The following BCL2A1 variants were observed in gnomAD, a reference collection of about 807,000 sequenced individuals.
BCL2A1 encodes bcl-2-related protein A1.
Under a neutral mutation model 14.4 loss-of-function variants are expected in BCL2A1, and 10 were observed. The ratio of observed to expected loss-of-function variants is 0.69; its 90% CI spans 0.43 to 1.18. The LOEUF is 1.18. BCL2A1 is among the 50% of genes most tolerant of loss of function. BCL2A1 has a pLI of 0.00. For missense variants in BCL2A1, 158 were observed against 205.0 expected (o/e 0.77, Z 1.40); for synonymous variants, 71 against 76.5 (o/e 0.93, Z 0.38).
intron 1 of BCL2A1, among the ~76,000 whole-genome samples, chr15:79,966,827 C>A (rs1289424122): frequency 6.7e-6 from 1 of 148,538 alleles, no homozygotes; most frequent in African/African-American, 2.6e-5. Flanking sequence ...AGCAGGAAGG[C>A]AGGAAGGCAG....
intron 1 of BCL2A1, among the ~76,000 whole-genome samples, chr15:79,962,424 T>G (rs1333020426): frequency 1.3e-5 from 2 of 152,164 alleles, no homozygotes; most frequent in Non-Finnish European, 2.9e-5. Flanking sequence ...TTCTTCCTCT[T>G]TCCCTCCTGC....
chr15:79,964,155 G>A (rs1348965897), intron 1 of BCL2A1, among the ~76,000 whole-genome samples: 4 of 152,102 alleles, frequency 2.6e-5, no homozygotes, highest in Admixed American at 2.6e-4. Flanking sequence ...TATCCTATCA[G>A]TAATGTAGTA....
At chr15:79,965,369 C>T (rs1007267878) in intron 1 of BCL2A1, among the ~76,000 whole-genome samples, 47 of 152,110 alleles carry the variant, frequency 3.1e-4, no homozygotes, top group African/African-American at 9.7e-4. Context: ...CCTCGTGATC[C>T]GCCCGCCTCG....
intron 1 of BCL2A1, among the ~76,000 whole-genome samples, chr15:79,969,221 T>C (rs1027338611): frequency 6.6e-6 from 1 of 152,166 alleles, no homozygotes; most frequent in East Asian, 1.9e-4. Context: ...CTACTGTTAG[T>C]CAGCTGGGGT....
chr15:79,964,482 C>A (rs960199575), intron 1 of BCL2A1, among the ~76,000 whole-genome samples: 1 of 152,084 alleles, frequency 6.6e-6, no homozygotes, highest in African/African-American at 2.4e-5. Context: ...AACAAACAAA[C>A]AAACAAAATA....
At chr15:79,967,750 T>C (rs1426810133) in intron 1 of BCL2A1, 5 of 1,111,836 alleles carry the variant, frequency 4.5e-6, no homozygotes, top group Non-Finnish European at 6.8e-6. Flanking sequence ...TCAACATCAC[T>C]ATGAAAAGAT....
chr15:79,968,630 C>A (rs982421864), intron 1 of BCL2A1, among the ~76,000 whole-genome samples: 1 of 152,220 alleles, frequency 6.6e-6, no homozygotes, highest in African/African-American at 2.4e-5. Context: ...TAAAAGATAT[C>A]TGCCACATAC....
In BCL2A1 at chr15:79,960,934, A is replaced by G; in HGVS notation, c.*133T>C. On this transcript the variant is annotated 3_prime_UTR_variant, in exon 2 of 2. Transcript: ENST00000267953. ...AATTTATTCATTACATGGGGACAAA[A>G]TTTCCATAACTCTGGAAGGTCAAGT... 1 of 1,420,110 alleles carries G rather than the reference A, an allele frequency of 7.0e-7. No homozygotes were observed. The highest frequency in any genetic ancestry group is 9.7e-7 in the Non-Finnish European group (1 of 1,032,686). 88.0% of individuals were successfully genotyped at this position (1,420,110 alleles called of 1,614,324 possible).
chr15:79,962,695 G>A (rs930334710), intron 1 of BCL2A1, among the ~76,000 whole-genome samples: 9 of 151,174 alleles, frequency 6.0e-5, no homozygotes, highest in South Asian at 2.1e-4. Context: ...CTACAGACGC[G>A]CACCACCATG....
intron 1 of BCL2A1, among the ~76,000 whole-genome samples, chr15:79,966,242 CAT>C (rs911287858): frequency 3.9e-5 from 6 of 152,154 alleles, no homozygotes; most frequent in African/African-American, 1.4e-4. Context: ...AATAAATTAT[CAT>C]ATGTCATGTC....
Position 79,971,124 on chromosome 15 carries a change from T to G in BCL2A1, c.-5A>C. 1.9e-6 allele frequency: 3 copies of G among 1,610,702 alleles called. No homozygotes were observed. Among genetic ancestry groups the G allele is most frequent in the South Asian group, 1.1e-5 (1 of 90,946 alleles). On this transcript the variant is annotated 5_prime_UTR_variant, in exon 1 of 2. Transcript: ENST00000267953. Reference sequence around the variant, plus strand: ...TCCAAATTCACAGTCTGTCATCTTCTGCCTGGTGGAGAGCAAAGTCTTGAG... The same window carrying G: ...TCCAAATTCACAGTCTGTCATCTTCGGCCTGGTGGAGAGCAAAGTCTTGAG...
At chr15:79,963,189 CATGT>C (rs2035507373) in intron 1 of BCL2A1, among the ~76,000 whole-genome samples, 1 of 150,812 alleles carries the variant, frequency 6.6e-6, no homozygotes, top group Admixed American at 6.6e-5. Context: ...CGGGTTTCAC[CATGT>C]TGGCCAGGAT....
chr15:79,963,620 T>C (rs773593229), intron 1 of BCL2A1, among the ~76,000 whole-genome samples: 97 of 152,222 alleles, frequency 6.4e-4, no homozygotes, highest in Non-Finnish European at 1.2e-3. Context: ...TCCATTGATA[T>C]AATACTTTTG....
At chr15:79,964,564 A>T in intron 1 of BCL2A1, among the ~76,000 whole-genome samples, 1 of 152,252 alleles carries the variant, frequency 6.6e-6, no homozygotes, top group South Asian at 2.1e-4. Flanking sequence ...GGAAATATTC[A>T]TTGAGCATTG....
chr15:79,965,970 A>AG (rs1348061396), intron 1 of BCL2A1, among the ~76,000 whole-genome samples: 1 of 151,736 alleles, frequency 6.6e-6, no homozygotes, highest in African/African-American at 2.4e-5. Context: ...GAAAAAAAAA[A>AG]AAAAGAAAAA....
chr15:79,968,533 A>G (rs1339147270), intron 1 of BCL2A1, among the ~76,000 whole-genome samples: 1 of 152,280 alleles, frequency 6.6e-6, no homozygotes, highest in Non-Finnish European at 1.5e-5. Flanking sequence ...TGAAAAAGGC[A>G]TCAAGTAAAA....
At chr15:79,966,910 G>C (rs2035546771) in intron 1 of BCL2A1, among the ~76,000 whole-genome samples, 1 of 152,130 alleles carries the variant, frequency 6.6e-6, no homozygotes, top group Admixed American at 6.5e-5. Context: ...ATTACTGATA[G>C]ACCAGTCTCG....
At chr15:79,968,891 C>T (rs983677693) in intron 1 of BCL2A1, among the ~76,000 whole-genome samples, 5 of 152,200 alleles carry the variant, frequency 3.3e-5, no homozygotes, top group African/African-American at 1.2e-4. Flanking sequence ...GATCACACCA[C>T]TGCACTCCAG....
intron 1 of BCL2A1, among the ~76,000 whole-genome samples, chr15:79,961,672 A>C (rs973554789): frequency 1.3e-5 from 2 of 152,196 alleles, no homozygotes; most frequent in Admixed American, 6.5e-5. Flanking sequence ...TTATACTGTA[A>C]ACTGCATTGT....
Sources: allele counts gnomAD v4.1 joint callset (sites outside exome capture counted in the v4.1 genomes callset), GRCh38; gene constraint gnomAD v4.1.1; transcripts MANE v1.5; gene names NCBI Gene and HGNC (gene_info 2026-07-23, HGNC 2026-07-21).